Variants in CCDC91 observed in about 807,000 individuals in gnomAD.
The protein encoded by CCDC91 is coiled-coil domain-containing protein 91.
In CCDC91, 48 loss-of-function variants were observed where a neutral mutation model predicts 63.2. The ratio of observed to expected loss-of-function variants is 0.76; its 90% CI spans 0.60 to 0.97. The LOEUF is 0.97. Among genes scored for constraint, CCDC91 ranks in the 50% least tolerant of loss-of-function variants. The pLI is 0.00. For synonymous variants in CCDC91, 167 were observed against 165.8 expected (o/e 1.01, Z -0.06); for missense variants, 500 against 494.6 (o/e 1.01, Z -0.10).
intron 1 of CCDC91, among the ~76,000 whole-genome samples, chr12:28,195,019 AG>A (rs1348629650): frequency 6.6e-6 from 1 of 152,200 alleles, no homozygotes; most frequent in African/African-American, 2.4e-5. Context: ...ACAGCATGGA[AG>A]GGGACCCGAA....
At chr12:28,430,066 T>C (rs1432654818) in intron 8 of CCDC91, among the ~76,000 whole-genome samples, 1 of 152,080 alleles carries the variant, frequency 6.6e-6, no homozygotes, top group Non-Finnish European at 1.5e-5. Flanking sequence ...TAGGGAAGAC[T>C]ATTATAAGTG....
intron 1 of CCDC91, among the ~76,000 whole-genome samples, chr12:28,239,307 T>C (rs986944842): frequency 4.0e-5 from 6 of 151,888 alleles, no homozygotes; most frequent in African/African-American, 1.5e-4. Flanking sequence ...GGGAGGGAAG[T>C]TGGAGAGGGT....
intron 3 of CCDC91, among the ~76,000 whole-genome samples, chr12:28,269,402 A>G (rs1947587731): frequency 6.6e-6 from 1 of 151,950 alleles, no homozygotes; most frequent in Non-Finnish European, 1.5e-5. Flanking sequence ...CAATTTCTGT[A>G]GTTTCTAAGT....
intron 7 of CCDC91, among the ~76,000 whole-genome samples, chr12:28,364,806 C>T (rs1226224294): frequency 6.6e-6 from 1 of 152,188 alleles, no homozygotes; most frequent in Non-Finnish European, 1.5e-5. Flanking sequence ...TAATGTACCA[C>T]AAACCATCAA....
intron 6 of CCDC91, among the ~76,000 whole-genome samples, chr12:28,323,126 TTAACTC>T (rs1283848685): frequency 6.6e-6 from 1 of 151,454 alleles, no homozygotes; most frequent in African/African-American, 2.4e-5. Flanking sequence ...ATTTAAAAAA[TTAACTC>T]TAGTAAATTT....
At chr12:28,391,472 GCTCTATAACTGTTT>G in intron 8 of CCDC91, 61 bp downstream of exon 8, 3 of 990,640 alleles carry the variant, frequency 3.0e-6, no homozygotes, top group Non-Finnish European at 4.8e-6. Context: ...TCCCCTGAGA[GCTCTATAACTGTTT>G]ATTCAGTTCT....
At chr12:28,359,782 C>CTTTCTTTTTTTTTTTTTTTT (rs1565853546) in intron 6 of CCDC91, among the ~76,000 whole-genome samples, 10 of 152,080 alleles carry the variant, frequency 6.6e-5, no homozygotes, top group African/African-American at 2.2e-4. Context: ...CAGAATATTT[C>CTTTCTTTTTTTTTTTTTTTT]TATTTACTTT....
At chr12:28,540,971 C>G (rs112490834) in intron 12 of CCDC91, among the ~76,000 whole-genome samples, 2 of 152,064 alleles carry the variant, frequency 1.3e-5, no homozygotes, top group Non-Finnish European at 2.9e-5. Flanking sequence ...AGATCCTTCC[C>G]CAGTTGAACT....
chr12:28,519,185 A>G (rs1415866318), intron 12 of CCDC91, among the ~76,000 whole-genome samples: 1 of 151,914 alleles, frequency 6.6e-6, no homozygotes, highest in Non-Finnish European at 1.5e-5. Context: ...ATGCGCATGG[A>G]ATGTATTTCC....
At chr12:28,298,378 C>T (rs79395932) in intron 3 of CCDC91, among the ~76,000 whole-genome samples, 29,283 of 81,522 alleles carry the variant, frequency 0.36, 3,700 homozygotes, top group East Asian at 0.66. Context: ...TTTTTTTTTT[C>T]CCCCCACAAA....
At chr12:28,297,710 A>C (rs73263475) in intron 3 of CCDC91, among the ~76,000 whole-genome samples, 2,323 of 151,946 alleles carry the variant, frequency 0.015, 46 homozygotes, top group African/African-American at 0.051. Context: ...CCTGCATTTA[A>C]AGATTTTGGG....
chr12:28,519,533 T>A (rs966689157), intron 12 of CCDC91, among the ~76,000 whole-genome samples: 6 of 151,952 alleles, frequency 3.9e-5, no homozygotes, highest in Non-Finnish European at 8.8e-5. Context: ...TTTACCAATT[T>A]GGATGCTCTT....
intron 12 of CCDC91, among the ~76,000 whole-genome samples, chr12:28,524,876 A>G (rs57685697): frequency 6.6e-6 from 1 of 152,012 alleles, no homozygotes; most frequent in African/African-American, 2.4e-5. Flanking sequence ...TTTCTGGTTT[A>G]TGCACATAAA....
chr12:28,253,078 T>C (rs1315145992), intron 1 of CCDC91, among the ~76,000 whole-genome samples: 1 of 152,224 alleles, frequency 6.6e-6, no homozygotes, highest in African/African-American at 2.4e-5. Context: ...TTAACCTTTA[T>C]GCTGTTCTGC....
chr12:28,244,065 T>A (rs1945538049), intron 1 of CCDC91, among the ~76,000 whole-genome samples: 1 of 152,194 alleles, frequency 6.6e-6, no homozygotes. Flanking sequence ...AAGACAAACA[T>A]CATTGCCAAA....
Position 28,508,931 on chromosome 12 carries a change from G to A in CCDC91, c.1215+24766G>A, listed in dbSNP as rs189379634. Among the ~76,000 whole-genome samples, 106 of 152,066 alleles carry A rather than the reference G, an allele frequency of 7.0e-4. 1 individual carries two copies. Among genetic ancestry groups the A allele is most frequent in the Admixed American group, 6.8e-3 (104 of 15,250 alleles). On this transcript the variant is annotated intron_variant, in intron 12 of 12. Coordinates refer to ENST00000536442, the MANE Select transcript of CCDC91 (RefSeq NM_018318.5). Reference sequence around the variant, plus strand: ...CAGTGTATTCTGTGACCTAGAGAGTGGATTACAGGATATGATCTCCAAGGT... The same window carrying A: ...CAGTGTATTCTGTGACCTAGAGAGTAGATTACAGGATATGATCTCCAAGGT...
At chr12:28,536,141 A>G (rs1184909290) in intron 12 of CCDC91, among the ~76,000 whole-genome samples, 7 of 152,208 alleles carry the variant, frequency 4.6e-5, no homozygotes, top group African/African-American at 1.7e-4. Flanking sequence ...TGTTTACAAC[A>G]ATTTCCTTGT....
chr12:28,508,042 T>C (rs1565494377), intron 12 of CCDC91, among the ~76,000 whole-genome samples: 1 of 151,848 alleles, frequency 6.6e-6, no homozygotes, highest in Non-Finnish European at 1.5e-5. Context: ...AGGTAGCAGT[T>C]GTTGGAGAGG....
chr12:28,201,454 A>G lies in CCDC91; in HGVS notation c.-15+10813A>G, dbSNP rs1179988941. On this transcript the variant is annotated intron_variant, in intron 1 of 12. Transcript: ENST00000536442. Reference sequence around the variant, plus strand: ...GGGCGGCCAGGCAGAGACGCTCCTCACTTCCTAGATGGGATGGCGACTGGG... The same window carrying G: ...GGGCGGCCAGGCAGAGACGCTCCTCGCTTCCTAGATGGGATGGCGACTGGG... Among the ~76,000 whole-genome samples, 4 of 134,532 alleles carry G rather than the reference A, an allele frequency of 3.0e-5. 2 individuals are homozygous for G. The highest frequency in any genetic ancestry group is 6.7e-5 in the Non-Finnish European group (4 of 59,464). 88.3% of individuals were successfully genotyped at this position (134,532 alleles called of 152,430 possible). A position where few individuals can be genotyped will look rare whatever the true frequency, so the allele number is the denominator to read the frequency against.
Sources: allele counts gnomAD v4.1 joint callset (sites outside exome capture counted in the v4.1 genomes callset), GRCh38; gene constraint gnomAD v4.1.1; transcripts MANE v1.5; gene names NCBI Gene and HGNC (gene_info 2026-07-23, HGNC 2026-07-21).